The following GALNT10 variants were observed in gnomAD, a reference collection of about 807,000 sequenced individuals.
GALNT10 encodes the protein GalNAc transferase 10.
GALNT10 carries 41 observed loss-of-function variants against 75.0 expected under a neutral mutation model. That is an observed-to-expected ratio of 0.55 (90% CI 0.43 to 0.71). The LOEUF is 0.71. Ranked by LOEUF, GALNT10 falls within the 30% of genes least tolerant of loss-of-function variation. The pLI is 0.00. For missense variants in GALNT10, 727 were observed against 818.5 expected, an observed-to-expected ratio of 0.89 and a Z score of 1.36; for synonymous variants, 302 against 313.0, an observed-to-expected ratio of 0.96 and a Z score of 0.37.
At chr5:154,354,669 C>T (rs1410354453) in intron 4 of GALNT10, among the ~76,000 whole-genome samples, 1 of 152,068 alleles carries the variant, frequency 6.6e-6, no homozygotes, top group Non-Finnish European at 1.5e-5. Context: ...GATGCTGGGG[C>T]ATTCGGGTGG....
At chr5:154,288,610 A>G (rs1479649455) in intron 1 of GALNT10, among the ~76,000 whole-genome samples, 1 of 151,590 alleles carries the variant, frequency 6.6e-6, no homozygotes, top group Non-Finnish European at 1.5e-5. Context: ...ACTTCTTGCC[A>G]TGTTCCTTCC....
At chr5:154,383,534 C>T (rs1023935895) in intron 6 of GALNT10, among the ~76,000 whole-genome samples, 3 of 152,240 alleles carry the variant, frequency 2.0e-5, no homozygotes, top group African/African-American at 7.2e-5. Flanking sequence ...GAAACCAGAA[C>T]AGGCTGGGCA....
chr5:154,215,427 A>ATCTCGCCGAGATGGCTC (rs1752850575), intron 1 of GALNT10, among the ~76,000 whole-genome samples: 1 of 152,138 alleles, frequency 6.6e-6, no homozygotes, highest in Non-Finnish European at 1.5e-5. Context: ...GCTTGCAGTG[A>ATCTCGCCGAGATGGCTC]GCCGAGATGG....
chr5:154,204,392 A>G (rs1775074262), intron 1 of GALNT10, among the ~76,000 whole-genome samples: 1 of 152,114 alleles, frequency 6.6e-6, no homozygotes, highest in African/African-American at 2.4e-5. Flanking sequence ...CCACCCTGAA[A>G]TCATAGTCCA....
intron 4 of GALNT10, among the ~76,000 whole-genome samples, chr5:154,339,700 C>T (rs540410566): frequency 7.9e-5 from 12 of 152,298 alleles, no homozygotes; most frequent in Middle Eastern, 3.4e-3. Context: ...CTTCTATTGA[C>T]GTGGGTGAAC....
chr5:154,347,350 ATAGGAATAACT>A (rs1755140086), intron 4 of GALNT10: 1 of 400,086 alleles, frequency 2.5e-6, no homozygotes, highest in Admixed American at 3.9e-5. Context: ...CTATGTGGTG[ATAGGAATAACT>A]TATAAGGATT....
intron 1 of GALNT10, among the ~76,000 whole-genome samples, chr5:154,224,556 C>A (rs1322978970): frequency 6.6e-6 from 1 of 152,164 alleles, no homozygotes; most frequent in African/African-American, 2.4e-5. Flanking sequence ...AAACTTTTGG[C>A]TAAAATGAAG....
chr5:154,317,299 A>G (rs1754607894), intron 3 of GALNT10, among the ~76,000 whole-genome samples: 1 of 152,202 alleles, frequency 6.6e-6, no homozygotes, highest in South Asian at 2.1e-4. Flanking sequence ...GGATTGTTCT[A>G]TTTCAAAGTT....
At chr5:154,270,239 C>T (rs193103431) in intron 1 of GALNT10, among the ~76,000 whole-genome samples, 7 of 150,106 alleles carry the variant, frequency 4.7e-5, no homozygotes, top group Non-Finnish European at 8.9e-5. Flanking sequence ...CTATTTCCTG[C>T]GGTGTGCCCT....
chr5:154,391,311 T>A (rs544319875), intron 7 of GALNT10, among the ~76,000 whole-genome samples: 2 of 152,332 alleles, frequency 1.3e-5, no homozygotes, highest in East Asian at 3.8e-4. Flanking sequence ...ATGAGTGTAT[T>A]TTCAGAAATT....
At chr5:154,398,392 G>A (rs920176865) in intron 7 of GALNT10, among the ~76,000 whole-genome samples, 1 of 152,230 alleles carries the variant, frequency 6.6e-6, no homozygotes, top group Non-Finnish European at 1.5e-5. Flanking sequence ...TGATCCAGCT[G>A]CTGCCATCCC....
intron 1 of GALNT10, among the ~76,000 whole-genome samples, chr5:154,211,281 C>A (rs551787825): frequency 9.9e-4 from 151 of 152,200 alleles, no homozygotes; most frequent in African/African-American, 3.4e-3. Context: ...CTGGAGCCCC[C>A]ACTATGGACT....
intron 6 of GALNT10, among the ~76,000 whole-genome samples, chr5:154,383,765 C>A (rs1024489713): frequency 1.3e-5 from 2 of 152,196 alleles, no homozygotes; most frequent in Admixed American, 6.5e-5. Context: ...AAAACCAGGA[C>A]CCCCTCAATC....
chr5:154,221,611 G>A lies in GALNT10; in HGVS notation c.159+30586G>A, dbSNP rs1166432648. Among the ~76,000 whole-genome samples, 8 of 105,390 alleles carry A rather than the reference G, an allele frequency of 7.6e-5. No individual in the cohort carries two copies. In the East Asian group the frequency reaches 3.1e-3, roughly 41 times the overall value. The allele number at this position is 105,390 out of a possible 152,430, so 69.1% of individuals were successfully genotyped here. A position where few individuals can be genotyped will look rare whatever the true frequency, so the allele number is the denominator to read the frequency against. On this transcript the variant is annotated intron_variant, in intron 1 of 11. Coordinates refer to ENST00000297107, the MANE Select transcript of GALNT10 (RefSeq NM_198321.4). ...GGCACCCAGGAATCACTTTCACAGT[G>A]AACACAGGAAAAGGAAAAAAAACCA...
At chr5:154,365,873 G>A (rs1043856385) in intron 4 of GALNT10, among the ~76,000 whole-genome samples, 2 of 152,086 alleles carry the variant, frequency 1.3e-5, no homozygotes, top group Non-Finnish European at 2.9e-5. Context: ...CTTGTTGTCA[G>A]CTACCACCCA....
intron 1 of GALNT10, among the ~76,000 whole-genome samples, chr5:154,248,872 C>T (rs980802691): frequency 1.4e-4 from 21 of 152,132 alleles, no homozygotes; most frequent in South Asian, 6.2e-4. Context: ...GGAGTCAGAG[C>T]GGGAGAGGTT....
chr5:154,271,959 G>A (rs1753872169), intron 1 of GALNT10, among the ~76,000 whole-genome samples: 1 of 152,152 alleles, frequency 6.6e-6, no homozygotes, highest in African/African-American at 2.4e-5. Flanking sequence ...TATTTTCTCA[G>A]GTCTCATGCC....
At chr5:154,283,899 C>A (rs770792142) in intron 1 of GALNT10, among the ~76,000 whole-genome samples, 2 of 152,196 alleles carry the variant, frequency 1.3e-5, no homozygotes, top group Middle Eastern at 3.2e-3. Flanking sequence ...TGTCCCCTGA[C>A]CAATGCCAGC....
intron 4 of GALNT10, among the ~76,000 whole-genome samples, chr5:154,341,459 A>T (rs1755030847): frequency 6.6e-6 from 1 of 152,240 alleles, no homozygotes; most frequent in African/African-American, 2.4e-5. Flanking sequence ...TGAAGGTGAA[A>T]GCAGGTGGAA....
Sources: allele counts gnomAD v4.1 joint callset (sites outside exome capture counted in the v4.1 genomes callset), GRCh38; gene constraint gnomAD v4.1.1; transcripts MANE v1.5; gene names NCBI Gene and HGNC (gene_info 2026-07-23, HGNC 2026-07-21).